MSH3: variants seen among roughly 807,000 people sequenced by gnomAD.
The protein encoded by MSH3 is DNA mismatch repair protein Msh3.
A neutral mutation model predicts 123.3 loss-of-function variants in MSH3; 106 were observed. That is an observed-to-expected ratio of 0.86 (90% CI 0.73 to 1.01). MSH3 has a LOEUF of 1.01. Ranked by LOEUF, MSH3 falls within the 50% of genes least tolerant of loss-of-function variation. MSH3 has a pLI of 0.00. For synonymous variants in MSH3, 515 were observed against 481.4 expected (o/e 1.07, Z -0.91); for missense variants, 1,459 against 1,347.6 (o/e 1.08, Z -1.29).
Position 80,728,946 on chromosome 5 carries a change from A to G in MSH3, c.1549A>G (p.Lys517Glu). 6.2e-7 allele frequency: 1 copy of G among 1,602,776 alleles called. No individual in the cohort carries two copies. The highest frequency in any genetic ancestry group is 8.5e-7 in the Non-Finnish European group (1 of 1,169,780). Reference protein sequence around the residue: ...IKYLKEFNLEKMLSKPENFKQ... With the variant: ...IKYLKEFNLEEMLSKPENFKQ... ...ATACCTCAAAGAATTCAACTTGGAA[A>G]AGATGCTCTCCAAACCTGAGTAAGT... is the stretch of plus-strand genomic sequence containing the variant. Residue 517 changes from lysine (K) to glutamate (E), a missense_variant, in exon 10 of 24, where the codon AAG becomes GAG. Transcript: ENST00000265081.
chr5:80,794,714 C>T (rs1032038021), intron 19 of MSH3, among the ~76,000 whole-genome samples: 1 of 152,098 alleles, frequency 6.6e-6, no homozygotes, highest in African/African-American at 2.4e-5. Flanking sequence ...AAAAGTTGTC[C>T]ATGTGAATGT....
At chr5:80,739,960 G>A (rs915863679) in intron 10 of MSH3, among the ~76,000 whole-genome samples, 3 of 152,184 alleles carry the variant, frequency 2.0e-5, no homozygotes, top group Non-Finnish European at 4.4e-5. Context: ...ATAGCTATGA[G>A]AAGGGTGGTT....
At chr5:80,750,316 C>G (rs1387219529) in intron 12 of MSH3, among the ~76,000 whole-genome samples, 2 of 152,112 alleles carry the variant, frequency 1.3e-5, no homozygotes, top group African/African-American at 4.8e-5. Context: ...AACTAGCATA[C>G]TGTTTTACAA....
At chr5:80,747,968 T>G (rs968889760) in intron 12 of MSH3, among the ~76,000 whole-genome samples, 7 of 152,168 alleles carry the variant, frequency 4.6e-5, no homozygotes, top group Admixed American at 1.3e-4. Context: ...CATGATGGTG[T>G]TGTTGTTTAT....
chr5:80,862,269 G>A lies in MSH3; in HGVS notation c.3001-2544G>A, dbSNP rs994365225. Among the ~76,000 whole-genome samples, 9 of 152,150 alleles carry A rather than the reference G, an allele frequency of 5.9e-5. No individual in the cohort carries two copies. In the South Asian group the frequency reaches 1.0e-3, roughly 18 times the overall value. On this transcript the variant is annotated intron_variant, in intron 21 of 23. Transcript: ENST00000265081. Reference sequence around the variant, plus strand: ...TTTTAAAGAAATCCTGCCTTAATACGTTTATTTGTTATTGTTATCAGAAAG... The same window carrying A: ...TTTTAAAGAAATCCTGCCTTAATACATTTATTTGTTATTGTTATCAGAAAG...
chr5:80,845,947 T>A (rs893609087), intron 20 of MSH3, among the ~76,000 whole-genome samples: 1 of 152,186 alleles, frequency 6.6e-6, no homozygotes, highest in Non-Finnish European at 1.5e-5. Context: ...GTTCCATTGC[T>A]GCTGAGGAGC....
At chr5:80,685,451 G>C (rs1580560518) in intron 8 of MSH3, among the ~76,000 whole-genome samples, 1 of 151,808 alleles carries the variant, frequency 6.6e-6, no homozygotes, top group East Asian at 1.9e-4. Flanking sequence ...GGATTTATTG[G>C]CATATGGTTG....
chr5:80,709,091 T>C (rs1439967259), intron 8 of MSH3, among the ~76,000 whole-genome samples: 4 of 152,090 alleles, frequency 2.6e-5, no homozygotes, highest in South Asian at 2.1e-4. Flanking sequence ...TTCTTTTTTT[T>C]CAGAAGTTAT....
At chr5:80,838,336 G>T (rs1265214617) in intron 20 of MSH3, among the ~76,000 whole-genome samples, 1 of 151,950 alleles carries the variant, frequency 6.6e-6, no homozygotes, top group African/African-American at 2.4e-5. Flanking sequence ...AGCCAGGTTT[G>T]AATCCTGACT....
intron 13 of MSH3, among the ~76,000 whole-genome samples, chr5:80,762,433 G>A (rs1300445157): frequency 6.6e-6 from 1 of 151,320 alleles, no homozygotes; most frequent in Non-Finnish European, 1.5e-5. Flanking sequence ...ATATGTGTGT[G>A]TATATATATA....
intron 20 of MSH3, among the ~76,000 whole-genome samples, chr5:80,821,228 T>C (rs535402461): frequency 7.2e-5 from 11 of 152,334 alleles, no homozygotes; most frequent in African/African-American, 2.2e-4. Context: ...TTATTTGGAC[T>C]CAGTTATTTC....
chr5:80,741,360 C>T (rs1174806920), intron 10 of MSH3, 104 bp from the exon 11 acceptor site: 4 of 768,794 alleles, frequency 5.2e-6, no homozygotes, highest in Non-Finnish European at 2.3e-6. Flanking sequence ...TATCAGAATG[C>T]TAATTTTTGC....
chr5:80,856,707 T>TA (rs1028678802), intron 21 of MSH3, among the ~76,000 whole-genome samples: 6 of 151,628 alleles, frequency 4.0e-5, no homozygotes, highest in African/African-American at 7.3e-5. Flanking sequence ...ATAATAATAA[T>TA]AAAAAAAAGA....
chr5:80,694,869 A>G (rs1411461186), intron 8 of MSH3, among the ~76,000 whole-genome samples: 1 of 146,672 alleles, frequency 6.8e-6, no homozygotes, highest in Non-Finnish European at 1.5e-5. Flanking sequence ...TAGCTAAGGT[A>G]TGATTTCTTT....
In MSH3 at chr5:80,729,430, A is replaced by AAGTG. The variant is rs1491210653; in HGVS notation, c.1568+465_1568+466insAGTG. Among the ~76,000 whole-genome samples, 39 of 78,374 alleles carry AAGTG rather than the reference A, an allele frequency of 5.0e-4. 2 individuals are homozygous for AAGTG. Among genetic ancestry groups the AAGTG allele is most frequent in the African/African-American group, 2.2e-3 (39 of 17,884 alleles). The allele number at this position is 78,374 out of a possible 152,430, so 51.4% of individuals were successfully genotyped here. On this transcript the variant is annotated intron_variant, in intron 10 of 23. Coordinates refer to ENST00000265081, the MANE Select transcript of MSH3 (RefSeq NM_002439.5). ...CTCCGTCCCAAAAAAAAAAAAAAAA[A>AAGTG]TGTGTGTGTGTGTGTGTGTGTGTGT... is the stretch of plus-strand genomic sequence containing the variant.
chr5:80,773,394 C>G (rs1381135355), intron 15 of MSH3, among the ~76,000 whole-genome samples: 1 of 152,156 alleles, frequency 6.6e-6, no homozygotes, highest in Admixed American at 6.6e-5. Context: ...TTAGACTCTT[C>G]ACTCTTAACT....
chr5:80,826,771 A>G (rs995537749), intron 20 of MSH3, among the ~76,000 whole-genome samples: 7 of 151,918 alleles, frequency 4.6e-5, no homozygotes, highest in Non-Finnish European at 7.4e-5. Context: ...CTGGTCTCGA[A>G]CTCCTAACCT....
At position 80,676,735 on chromosome 5, in the gene MSH3, G is replaced by A. The variant is rs141253429; in HGVS notation, c.1173+1607G>A. Among the ~76,000 whole-genome samples the A allele has an allele frequency of 2.8e-4, 43 of 152,224 alleles. No individual in the cohort carries two copies. The East Asian group carries it at 6.7e-3, about 24-fold the overall frequency. ...AGAAGCACGTTTTATCTAGCTACAGGCATTTGGACCTATATACAAATAGTA... is the reference window on the plus strand; with the variant it reads ...AGAAGCACGTTTTATCTAGCTACAGACATTTGGACCTATATACAAATAGTA... On this transcript the variant is annotated intron_variant, in intron 7 of 23. Transcript: ENST00000265081.
chr5:80,664,062 A>T (rs561882642), intron 2 of MSH3, among the ~76,000 whole-genome samples: 4 of 152,296 alleles, frequency 2.6e-5, no homozygotes, highest in African/African-American at 9.6e-5. Flanking sequence ...CCAGAAAATG[A>T]TAGTTTCCCT....
Sources: gnomAD v4.1 joint callset for allele counts (sites outside exome capture counted in the v4.1 genomes callset) on GRCh38, gnomAD v4.1.1 for gene constraint, MANE v1.5 for transcripts, NCBI Gene and HGNC (gene_info 2026-07-23, HGNC 2026-07-21) for gene names.